Variants in MPHOSPH9 observed in about 807,000 individuals in gnomAD.
MPHOSPH9 encodes M-phase phosphoprotein 9.
In MPHOSPH9, 88 loss-of-function variants were observed where a neutral mutation model predicts 145.5. The observed-to-expected ratio is 0.60, with a 90% CI of 0.51 to 0.72. MPHOSPH9 has a LOEUF of 0.72. Among genes scored for constraint, MPHOSPH9 ranks in the 30% least tolerant of loss-of-function variants. The probability of loss-of-function intolerance (pLI) is 0.00; values close to 1 mark genes in which losing one functional copy is unlikely to be tolerated. For synonymous variants in MPHOSPH9, 435 were observed against 486.2 expected, an observed-to-expected ratio of 0.89 and a Z score of 1.39; for missense variants, 1,238 against 1,386.6, an observed-to-expected ratio of 0.89 and a Z score of 1.70.
upstream of MPHOSPH9, among the ~76,000 whole-genome samples, chr12:123,236,554 A>AT (rs1193605579): frequency 6.6e-6 from 1 of 151,812 alleles, no homozygotes; most frequent in Admixed American, 6.6e-5. Flanking sequence ...TTTTTATGCC[A>AT]CTGCACTCCA....
intron 12 of MPHOSPH9, among the ~76,000 whole-genome samples, chr12:123,196,576 GA>G (rs1420917498): frequency 6.6e-6 from 1 of 151,836 alleles, no homozygotes; most frequent in Non-Finnish European, 1.5e-5. Context: ...TGTTCAGAAA[GA>G]AAAAAAGTTA....
intron 1 of MPHOSPH9, among the ~76,000 whole-genome samples, chr12:123,241,130 T>C (rs1220569893): frequency 2.0e-4 from 31 of 151,512 alleles, no homozygotes; most frequent in Non-Finnish European, 3.5e-4. Flanking sequence ...TCTAGGCTTT[T>C]ATTTGGGGTT....
chr12:123,241,585 C>G (rs1385945419), intron 1 of MPHOSPH9, among the ~76,000 whole-genome samples: 1 of 152,136 alleles, frequency 6.6e-6, no homozygotes, highest in Non-Finnish European at 1.5e-5. Flanking sequence ...GGTGATCCAC[C>G]TACTTCAGCC....
rs191156864 is a variant in MPHOSPH9, at chr12:123,175,098, T to C, written c.2456+1590A>G. Among the ~76,000 whole-genome samples the C allele has an allele frequency of 5.9e-5, 9 of 152,240 alleles. No individual in the cohort carries two copies. In the East Asian group the frequency reaches 1.7e-3, roughly 29 times the overall value. ...ATTAATAAAAATTAGATAACATCAT[T>C]TTACCACATAAAAACCTTCAAAGGC... is the stretch of plus-strand genomic sequence containing the variant. On this transcript the variant is annotated intron_variant, in intron 16 of 23. Transcript: ENST00000606320.
intron 7 of MPHOSPH9, among the ~76,000 whole-genome samples, chr12:123,210,547 G>C (rs1330192763): frequency 6.6e-6 from 1 of 151,854 alleles, no homozygotes; most frequent in Non-Finnish European, 1.5e-5. Flanking sequence ...CCAAAAATCA[G>C]CCAGGTGTGG....
intron 8 of MPHOSPH9, 77 bp downstream of exon 8, chr12:123,209,979 G>A (rs978646196): frequency 3.0e-5 from 26 of 877,138 alleles, no homozygotes; most frequent in African/African-American, 6.9e-5. Flanking sequence ...CTCATGATCC[G>A]CCCACCTCGG....
chr12:123,170,546 T>C (rs1202637750), intron 16 of MPHOSPH9, among the ~76,000 whole-genome samples: 1 of 152,098 alleles, frequency 6.6e-6, no homozygotes, highest in Non-Finnish European at 1.5e-5. Flanking sequence ...CCTCCCAAAA[T>C]GCTGAAATTA....
chr12:123,198,627 T>A (rs1007624936), intron 11 of MPHOSPH9, among the ~76,000 whole-genome samples: 4 of 151,820 alleles, frequency 2.6e-5, no homozygotes, highest in African/African-American at 9.7e-5. Context: ...CTGGCCAACA[T>A]GGTGAAACCC....
At chr12:123,208,828 T>G (rs2046566344) in intron 8 of MPHOSPH9, among the ~76,000 whole-genome samples, 1 of 151,928 alleles carries the variant, frequency 6.6e-6, no homozygotes, top group Non-Finnish European at 1.5e-5. Context: ...CAAGTGATCC[T>G]CTCACCTCAG....
intron 5 of MPHOSPH9, 61 bp from the exon 6 acceptor site, chr12:123,218,560 G>A: frequency 1.3e-6 from 2 of 1,513,424 alleles, no homozygotes; most frequent in South Asian, 2.3e-5. Context: ...GAGTCTTGCT[G>A]TGTCGCCCAG....
chr12:123,230,522 T>C lies in MPHOSPH9; in HGVS notation c.-158A>G. 2.2e-6 allele frequency: 1 copy of C among 457,730 alleles called. No individual in the cohort carries two copies. The highest frequency in any genetic ancestry group is 3.9e-6 in the Non-Finnish European group (1 of 258,654). 28.4% of individuals were successfully genotyped at this position (457,730 alleles called of 1,614,324 possible). On this transcript the variant is annotated splice_region_variant and 5_prime_UTR_variant, in exon 2 of 24. Transcript: ENST00000606320. ...GAAATATCCTAAACTTCCAAGAGAGTCTGAAAATGAATGGGGGAAAAAAAT... is the reference window on the plus strand; with the variant it reads ...GAAATATCCTAAACTTCCAAGAGAGCCTGAAAATGAATGGGGGAAAAAAAT...
At chr12:123,220,823 A>T (rs1485935176) in intron 5 of MPHOSPH9, among the ~76,000 whole-genome samples, 4 of 152,138 alleles carry the variant, frequency 2.6e-5, no homozygotes, top group African/African-American at 9.7e-5. Context: ...TGGGAGGCAG[A>T]GGCGGGCAGA....
chr12:123,195,672 G>T (rs2045914544), intron 12 of MPHOSPH9, among the ~76,000 whole-genome samples: 1 of 152,110 alleles, frequency 6.6e-6, no homozygotes, highest in Non-Finnish European at 1.5e-5. Context: ...TACCCACTAG[G>T]TGCTAGGCAC....
At chr12:123,205,307 AG>A (rs2046378032) in intron 8 of MPHOSPH9, among the ~76,000 whole-genome samples, 1 of 152,212 alleles carries the variant, frequency 6.6e-6, no homozygotes, top group Non-Finnish European at 1.5e-5. Context: ...ACACTTTGGG[AG>A]GCCAAGGCGG....
chr12:123,197,364 G>A (rs1040706470), intron 12 of MPHOSPH9, among the ~76,000 whole-genome samples: 5 of 151,670 alleles, frequency 3.3e-5, no homozygotes, highest in Admixed American at 6.6e-5. Context: ...AGAGACAGAG[G>A]TCTCTGTATG....
chr12:123,197,928 C>T (rs1184963843), intron 12 of MPHOSPH9, among the ~76,000 whole-genome samples: 5 of 148,468 alleles, frequency 3.4e-5, no homozygotes, highest in African/African-American at 1.0e-4. Flanking sequence ...CTAAAAAATA[C>T]AAAAAATTAG....
chr12:123,163,075 T>C lies in MPHOSPH9; in HGVS notation c.2968A>G (p.Lys990Glu). 1.9e-6 allele frequency: 3 copies of C among 1,598,854 alleles called. No individual in the cohort carries two copies. The highest frequency in any genetic ancestry group is 2.6e-6 in the Non-Finnish European group (3 of 1,175,656). ...CTAAATCCTGGGGACAAGTTTTCTT[T>C]AGGGGATCGCTTTGGACTATAAGCC... ...TVAYSPKRSP[K>E]ENLSPGFSHL... The change falls in exon 20 of 24, where the codon AAA (lysine) becomes GAA (glutamate). Residue 990 changes from lysine to glutamate, a missense_variant. Transcript: ENST00000606320.
At chr12:123,216,098 G>A (rs935776005) in intron 6 of MPHOSPH9, among the ~76,000 whole-genome samples, 7 of 152,176 alleles carry the variant, frequency 4.6e-5, no homozygotes, top group South Asian at 4.1e-4. Context: ...TTAGCCGGGC[G>A]TGGTGGTGGG....
chr12:123,188,617 G>A (rs538302384), intron 13 of MPHOSPH9, among the ~76,000 whole-genome samples: 52 of 152,300 alleles, frequency 3.4e-4, no homozygotes, highest in African/African-American at 1.3e-3. Context: ...GGAGGCTGAG[G>A]TGGGCGGATC....
Sources: allele counts gnomAD v4.1 joint callset (sites outside exome capture counted in the v4.1 genomes callset), GRCh38; gene constraint gnomAD v4.1.1; transcripts MANE v1.5; gene names NCBI Gene and HGNC (gene_info 2026-07-23, HGNC 2026-07-21).